Variants in XIRP2 observed in about 807,000 individuals in gnomAD.
XIRP2 encodes the protein xin actin binding repeat containing 2.
XIRP2 carries 236 observed loss-of-function variants against 277.0 expected under a neutral mutation model. That is an observed-to-expected ratio of 0.85 (90% confidence interval 0.77 to 0.95). The LOEUF (loss-of-function observed/expected upper bound fraction) is 0.95. Ranked by LOEUF, XIRP2 falls within the 40% of genes least tolerant of loss-of-function variation. XIRP2 has a pLI of 0.00. For synonymous variants in XIRP2, 1,490 were observed against 1,416.5 expected, an observed-to-expected ratio of 1.05 and a Z score of -1.17; for missense variants, 4,640 against 4,157.5, an observed-to-expected ratio of 1.12 and a Z score of -3.19.
At chr2:167,122,473 A>G (rs1691083495) in intron 2 of XIRP2, among the ~76,000 whole-genome samples, 1 of 152,194 alleles carries the variant, frequency 6.6e-6, no homozygotes, top group Non-Finnish European at 1.5e-5. Context: ...GAAATGTTGA[A>G]GCCCTACCCA....
At position 167,244,482 on chromosome 2, in the gene XIRP2, T is replaced by C. The variant is rs1322775137; in HGVS notation, c.3090T>C (p.Asp1030=). The change falls in exon 9 of 11, where the codon GAT becomes GAC. Residue 1030 remains aspartate, a synonymous_variant. Transcript: ENST00000409195. ...AAACAAGGCCCATTGACCAGTTTGA[T>C]GAAAGCATTCATAAATTTCAAATAA... ...LFETRPIDQF[D]ESIHKFQIIR... 1 of 1,613,786 alleles carries C rather than the reference T, an allele frequency of 6.2e-7. No individual in the cohort carries two copies. Among genetic ancestry groups the C allele is most frequent in the Admixed American group, 1.7e-5 (1 of 59,982 alleles).
At chr2:166,962,831 C>G (rs1308815222) in intron 2 of XIRP2, among the ~76,000 whole-genome samples, 1 of 151,740 alleles carries the variant, frequency 6.6e-6, no homozygotes, top group Admixed American at 6.6e-5. Context: ...ACAATATCCT[C>G]TGCCCCCAAA....
At chr2:167,095,465 C>T (rs1242645218) in intron 2 of XIRP2, among the ~76,000 whole-genome samples, 1 of 152,032 alleles carries the variant, frequency 6.6e-6, no homozygotes, top group Admixed American at 6.6e-5. Context: ...CTAAATAGCT[C>T]TTATTATTTT....
At chr2:167,195,452 G>T (rs1180692473) in intron 3 of XIRP2, among the ~76,000 whole-genome samples, 1 of 152,124 alleles carries the variant, frequency 6.6e-6, no homozygotes, top group Non-Finnish European at 1.5e-5. Flanking sequence ...CTGAAACTGA[G>T]CTTGATCTTC....
intron 2 of XIRP2, among the ~76,000 whole-genome samples, chr2:167,068,054 T>TAGTTCTGC (rs1252184598): frequency 1.3e-5 from 2 of 152,218 alleles, no homozygotes; most frequent in Non-Finnish European, 2.9e-5. Context: ...TAGTCTTTTT[T>TAGTTCTGC]AGTTCTGCTC....
At chr2:166,981,347 C>T (rs1686864811) in intron 2 of XIRP2, among the ~76,000 whole-genome samples, 1 of 151,926 alleles carries the variant, frequency 6.6e-6, no homozygotes, top group Non-Finnish European at 1.5e-5. Flanking sequence ...TTCAATCTAC[C>T]TGTCTTCACA....
At chr2:167,065,568 T>A (rs922183879) in intron 2 of XIRP2, among the ~76,000 whole-genome samples, 1 of 151,884 alleles carries the variant, frequency 6.6e-6, no homozygotes, top group Non-Finnish European at 1.5e-5. Flanking sequence ...CTTGTGTTCT[T>A]GGTGTTATAT....
intron 2 of XIRP2, among the ~76,000 whole-genome samples, chr2:167,088,511 A>C (rs569665388): frequency 1.3e-5 from 2 of 152,268 alleles, no homozygotes; most frequent in East Asian, 3.9e-4. Context: ...ATGATCTTTC[A>C]AAAATGCCAA....
intron 2 of XIRP2, among the ~76,000 whole-genome samples, chr2:166,969,004 C>A (rs1034636873): frequency 6.6e-6 from 1 of 151,878 alleles, no homozygotes; most frequent in Admixed American, 6.6e-5. Flanking sequence ...ATGTTTGTGT[C>A]AAGAAGAGTT....
At chr2:167,196,672 G>T (rs1693529558) in intron 3 of XIRP2, among the ~76,000 whole-genome samples, 1 of 152,084 alleles carries the variant, frequency 6.6e-6, no homozygotes, top group Non-Finnish European at 1.5e-5. Flanking sequence ...GGGACATAGG[G>T]CTTTGTGCCA....
chr2:166,937,608 A>G (rs146479580), intron 2 of XIRP2, among the ~76,000 whole-genome samples: 49,322 of 151,962 alleles, frequency 0.32, 8,447 homozygotes, highest in East Asian at 0.57. Context: ...TGCTGGCCTC[A>G]TAAAATGAGT....
rs71031280 is a variant in XIRP2, at chr2:167,196,412, T to TTGTGTGTGTGTG, written c.563-14295_563-14284dup. On this transcript the variant is annotated intron_variant, in intron 3 of 10. Coordinates refer to ENST00000409195, the MANE Select transcript of XIRP2 (RefSeq NM_152381.6). ...TATACATGGTTGGGTGTCAAGAATTTTGTGTGTGTGTGTGTGTGTGTGTGT... is the reference window on the plus strand; with the variant it reads ...TATACATGGTTGGGTGTCAAGAATTTTGTGTGTGTGTGTGTGTGTGTGTGTGTGTGTGTGTGT... Among the ~76,000 whole-genome samples, 788 of 141,874 alleles carry TTGTGTGTGTGTG rather than the reference T, an allele frequency of 5.6e-3. 14 individuals carry two copies. The highest frequency in any genetic ancestry group is 0.019 in the African/African-American group (723 of 37,978). 93.1% of individuals were successfully genotyped at this position (141,874 alleles called of 152,430 possible).
chr2:167,116,280 A>G (rs932768558), intron 2 of XIRP2, among the ~76,000 whole-genome samples: 7 of 152,140 alleles, frequency 4.6e-5, no homozygotes, highest in Non-Finnish European at 1.5e-5. Flanking sequence ...TTCTCTATTC[A>G]GTTCTATCGG....
In XIRP2 at chr2:167,249,291, G is replaced by A. The variant is rs370320240; in HGVS notation, c.7899G>A (p.Ser2633=). The A allele has an allele frequency of 2.7e-5, 43 of 1,613,570 alleles. No homozygotes were observed. Among genetic ancestry groups the A allele is most frequent in the Middle Eastern group, 3.3e-4 (2 of 6,082 alleles). The change falls in exon 9 of 11, where the codon TCG becomes TCA. Residue 2633 remains serine (S), a synonymous_variant. Coordinates refer to ENST00000409195, the MANE Select transcript of XIRP2 (RefSeq NM_152381.6). ...VCSDNQLSTT[S]PETVAAKRLH... is the part of the protein sequence containing the mutation. ...CTGATAACCAACTCTCCACAACATC[G>A]CCAGAAACAGTCGCTGCCAAGAGGC...
intron 5 of XIRP2, among the ~76,000 whole-genome samples, chr2:167,233,145 A>G (rs1290494010): frequency 6.6e-6 from 1 of 151,960 alleles, no homozygotes; most frequent in Non-Finnish European, 1.5e-5. Context: ...GAAACTTGAA[A>G]TAATTTTTCA....
chr2:166,898,167 A>C (rs77493016), intron 1 of XIRP2, among the ~76,000 whole-genome samples: 1 of 151,864 alleles, frequency 6.6e-6, no homozygotes, highest in Non-Finnish European at 1.5e-5. Flanking sequence ...TTTCAGGAAG[A>C]CTCTTCCTCT....
At chr2:167,136,854 T>A (rs1691567964) in intron 3 of XIRP2, among the ~76,000 whole-genome samples, 1 of 152,228 alleles carries the variant, frequency 6.6e-6, no homozygotes, top group South Asian at 2.1e-4. Flanking sequence ...CACCAGTCCA[T>A]GTGAGCAATG....
At chr2:167,025,471 T>C (rs920197683) in intron 2 of XIRP2, among the ~76,000 whole-genome samples, 5 of 152,118 alleles carry the variant, frequency 3.3e-5, no homozygotes, top group African/African-American at 1.2e-4. Flanking sequence ...CTGCTCTGAT[T>C]TTAGTTATTT....
intron 2 of XIRP2, among the ~76,000 whole-genome samples, chr2:167,069,221 A>G (rs1689377799): frequency 6.6e-6 from 1 of 152,178 alleles, no homozygotes; most frequent in African/African-American, 2.4e-5. Flanking sequence ...TTTTGCTTCA[A>G]ATTTTCAAGT....
Sources: allele counts gnomAD v4.1 joint callset (sites outside exome capture counted in the v4.1 genomes callset), GRCh38; gene constraint gnomAD v4.1.1; transcripts MANE v1.5; gene names NCBI Gene and HGNC (gene_info 2026-07-23, HGNC 2026-07-21).